DPP6: variants seen among roughly 807,000 people sequenced by gnomAD.
DPP6 encodes the protein A-type potassium channel modulatory protein DPP6.
In DPP6, 69 loss-of-function variants were observed where a neutral mutation model predicts 122.6. That is an observed-to-expected ratio of 0.56 (90% CI 0.46 to 0.69). DPP6 has a LOEUF of 0.69. DPP6 is among the 30% of genes least tolerant of loss of function. DPP6 has a pLI of 0.00. For missense variants in DPP6, 928 were observed against 1,116.9 expected (o/e 0.83, Z 2.41); for synonymous variants, 418 against 433.1 (o/e 0.97, Z 0.43).
intron 6 of DPP6, among the ~76,000 whole-genome samples, chr7:154,664,307 A>G (rs1432196998): frequency 6.6e-6 from 1 of 152,256 alleles, no homozygotes; most frequent in Non-Finnish European, 1.5e-5. Flanking sequence ...GGCACTGCAT[A>G]TTATTTCCAG....
the DPP6 span, among the ~76,000 whole-genome samples, chr7:153,757,332 ATG>A: frequency 6.6e-6 from 1 of 152,222 alleles, no homozygotes; most frequent in Non-Finnish European, 1.5e-5. Context: ...ATCTGACAAA[ATG>A]TGCGCACAGC....
intron 3 of DPP6, among the ~76,000 whole-genome samples, chr7:154,480,407 G>A (rs1456651759): frequency 6.6e-6 from 1 of 152,174 alleles, no homozygotes; most frequent in African/African-American, 2.4e-5. Context: ...CCTCCAGGTT[G>A]CTAAATGCAA....
intron 12 of DPP6, among the ~76,000 whole-genome samples, chr7:154,799,657 A>G (rs2140898): frequency 0.11 from 17,113 of 152,246 alleles, 1,261 homozygotes; most frequent in African/African-American, 0.2. Context: ...GCTACAAATA[A>G]CTCACAAAGA....
chr7:154,517,864 G>A (rs566180459), intron 3 of DPP6, among the ~76,000 whole-genome samples: 1 of 152,206 alleles, frequency 6.6e-6, no homozygotes, highest in African/African-American at 2.4e-5. Context: ...ATATCGCACT[G>A]CAAGTTACAA....
chr7:154,014,789 T>C (rs1222518004), intron 1 of DPP6, among the ~76,000 whole-genome samples: 3 of 152,098 alleles, frequency 2.0e-5, no homozygotes, highest in Non-Finnish European at 4.4e-5. Flanking sequence ...CCCTTCACAT[T>C]TTGAGTGTGT....
At chr7:154,813,080 T>C (rs938134161) in intron 16 of DPP6, among the ~76,000 whole-genome samples, 1 of 143,980 alleles carries the variant, frequency 6.9e-6, no homozygotes, top group African/African-American at 2.5e-5. Context: ...TTAGGTTAAT[T>C]CCTCAATTTT....
At chr7:154,475,204 G>C in intron 3 of DPP6, 167 bp downstream of exon 3, 1 of 649,726 alleles carries the variant, frequency 1.5e-6, no homozygotes, top group Admixed American at 2.2e-5. Flanking sequence ...CTATGAAAAT[G>C]TGTATCTGGT....
chr7:154,147,877 C>T (rs1237311440), intron 1 of DPP6, among the ~76,000 whole-genome samples: 1 of 151,326 alleles, frequency 6.6e-6, no homozygotes, highest in Non-Finnish European at 1.5e-5. Context: ...TTTTACAGCA[C>T]ATGAAATAGT....
chr7:154,871,351 TG>T (rs1265569402), intron 18 of DPP6, among the ~76,000 whole-genome samples: 1 of 152,216 alleles, frequency 6.6e-6, no homozygotes, highest in East Asian at 1.9e-4. Context: ...GTGGGGCACC[TG>T]TATGAGCCCA....
At chr7:154,799,190 GTCATCTGAGCTGT>G (rs1238031471) in intron 12 of DPP6, among the ~76,000 whole-genome samples, 3 of 152,304 alleles carry the variant, frequency 2.0e-5, no homozygotes, top group East Asian at 1.9e-4. Context: ...CTAATTTTGT[GTCATCTGAGCTGT>G]TCATCTGAGC....
chr7:154,426,596 T>C (rs1367899681), intron 1 of DPP6, among the ~76,000 whole-genome samples: 6 of 152,140 alleles, frequency 3.9e-5, no homozygotes, highest in African/African-American at 1.2e-4. Context: ...AAGTGGAAGG[T>C]TTCTTTAATG....
chr7:154,186,851 A>C (rs1798376835), intron 1 of DPP6, among the ~76,000 whole-genome samples: 1 of 152,256 alleles, frequency 6.6e-6, no homozygotes, highest in Admixed American at 6.5e-5. Context: ...TTTTTAAAAA[A>C]TCAGAAGTAG....
chr7:154,837,810 C>T (rs1225183121), intron 16 of DPP6, among the ~76,000 whole-genome samples: 1 of 152,186 alleles, frequency 6.6e-6, no homozygotes, highest in Non-Finnish European at 1.5e-5. Context: ...GTATGAGTAT[C>T]ATTGCTCATT....
chr7:154,445,216 A>G (rs907631947), intron 1 of DPP6, among the ~76,000 whole-genome samples: 3 of 152,186 alleles, frequency 2.0e-5, no homozygotes, highest in Non-Finnish European at 4.4e-5. Flanking sequence ...AGTTGCAGTT[A>G]TGTGCACTAT....
At chr7:153,787,192 C>T in the DPP6 span, among the ~76,000 whole-genome samples, 1 of 136,650 alleles carries the variant, frequency 7.3e-6, no homozygotes, top group Admixed American at 7.2e-5. Flanking sequence ...CCTCGTGATC[C>T]ACCCGCCTCG....
chr7:154,221,210 G>A (rs1050882134), intron 1 of DPP6, among the ~76,000 whole-genome samples: 15 of 151,950 alleles, frequency 9.9e-5, no homozygotes, highest in South Asian at 2.1e-4. Context: ...GTACGACCTC[G>A]GCTCACTGCA....
At chr7:154,862,261 G>T (rs1803471759) in intron 17 of DPP6, among the ~76,000 whole-genome samples, 1 of 152,214 alleles carries the variant, frequency 6.6e-6, no homozygotes, top group South Asian at 2.1e-4. Context: ...GAAAGGAGCA[G>T]TTCCTTGGAG....
chr7:154,130,099 CA>C (rs377375358), intron 1 of DPP6, among the ~76,000 whole-genome samples: 51 of 134,774 alleles, frequency 3.8e-4, no homozygotes, highest in East Asian at 1.9e-3. Context: ...CCCACACACA[CA>C]AAAAAAAAAG....
chr7:154,795,628 G>A (rs922875271), intron 11 of DPP6, among the ~76,000 whole-genome samples: 3 of 152,072 alleles, frequency 2.0e-5, no homozygotes, highest in Non-Finnish European at 2.9e-5. Flanking sequence ...ATTCGAGGAC[G>A]CTTGTGTTTG....
Sources: allele counts gnomAD v4.1 joint callset (sites outside exome capture counted in the v4.1 genomes callset), GRCh38; gene constraint gnomAD v4.1.1; transcripts MANE v1.5; gene names NCBI Gene and HGNC (gene_info 2026-07-23, HGNC 2026-07-21).